FAM200B: variants seen among roughly 807,000 people sequenced by gnomAD.
The protein encoded by FAM200B is protein FAM200B.
FAM200B carries 32 observed loss-of-function variants against 33.1 expected under a neutral mutation model. The observed-to-expected ratio is 0.97, with a 90% CI of 0.73 to 1.30. The LOEUF (loss-of-function observed/expected upper bound fraction) is 1.30. Among genes scored for constraint, FAM200B ranks in the 50% most tolerant of loss-of-function variants. The pLI is 0.00. For missense variants in FAM200B, 741 were observed against 754.0 expected, an observed-to-expected ratio of 0.98 and a Z score of 0.20; for synonymous variants, 240 against 264.8, an observed-to-expected ratio of 0.91 and a Z score of 0.91.
chr4:15,655,416 C>G, the FAM200B span: 4 of 1,001,776 alleles, frequency 4.0e-6, no homozygotes, highest in Non-Finnish European at 4.8e-6. Flanking sequence ...GCCCGGTCGG[C>G]TTGGCCGGCG....
chr4:15,681,504 C>A, upstream of FAM200B: 1 of 161,412 alleles, frequency 6.2e-6, no homozygotes. Flanking sequence ...CCGCGCTCGG[C>A]TACATCCGGC....
chr4:15,665,840 G>T, the FAM200B span, among the ~76,000 whole-genome samples: 2 of 152,194 alleles, frequency 1.3e-5, no homozygotes, highest in African/African-American at 4.8e-5. Context: ...CTGTTGGTAG[G>T]AATCCGATGA....
Position 15,687,941 on chromosome 4 carries a change from G to T in FAM200B, c.964G>T (p.Val322Leu). 1 of 1,551,046 alleles carries T rather than the reference G, an allele frequency of 6.4e-7. No individual in the cohort carries two copies. The highest frequency in any genetic ancestry group is 8.7e-7 in the Non-Finnish European group (1 of 1,146,494). The change falls in exon 2 of 2, where the codon GTG becomes TTG. Residue 322 changes from valine to leucine, a missense_variant. Transcript: ENST00000422728. ...ACTAGAAGTTACTAATAATGGTGCT[G>T]TGTGGAATCATTGTTTTATACATCG... ...KLLEVTNNGA[V>L]WNHCFIHREG...
the FAM200B span, among the ~76,000 whole-genome samples, chr4:15,658,433 A>G: frequency 1.3e-5 from 2 of 152,236 alleles, no homozygotes; most frequent in African/African-American, 4.8e-5. Flanking sequence ...GGGGCCTTTA[A>G]GAGGTGATTG....
chr4:15,672,619 CTTG>C, the FAM200B span, among the ~76,000 whole-genome samples: 1 of 152,112 alleles, frequency 6.6e-6, no homozygotes, highest in East Asian at 1.9e-4. Context: ...ATGAATGGAG[CTTG>C]TAGGACTAGA....
the FAM200B span, chr4:15,644,782 T>C: frequency 2.8e-6 from 3 of 1,068,870 alleles, no homozygotes; most frequent in South Asian, 4.6e-5. Context: ...TTCAAATACA[T>C]CCCTATTCAC....
At chr4:15,651,766 C>T in the FAM200B span, among the ~76,000 whole-genome samples, 2 of 152,208 alleles carry the variant, frequency 1.3e-5, no homozygotes, top group Admixed American at 6.5e-5. Flanking sequence ...AATACCCTTA[C>T]CTGAAAAATT....
chr4:15,655,493 A>G, the FAM200B span: 2 of 628,488 alleles, frequency 3.2e-6, no homozygotes, highest in Non-Finnish European at 4.0e-6. Flanking sequence ...GCGCGCGCAG[A>G]GGCTCGCGGC....
At chr4:15,654,971 C>A in the FAM200B span, among the ~76,000 whole-genome samples, 1 of 151,594 alleles carries the variant, frequency 6.6e-6, no homozygotes, top group East Asian at 1.9e-4. Flanking sequence ...CGGCAGGGGA[C>A]GCCGCCCGCC....
chr4:15,638,383 G>T, the FAM200B span: 1 of 523,798 alleles, frequency 1.9e-6, no homozygotes, highest in Non-Finnish European at 3.2e-6. Flanking sequence ...TGAAAATAAT[G>T]CCTTTAACTG....
chr4:15,675,584 T>C, the FAM200B span, among the ~76,000 whole-genome samples: 29 of 145,890 alleles, frequency 2.0e-4, no homozygotes, highest in Non-Finnish European at 2.9e-4. Context: ...TTTTTTTTTT[T>C]TTTTTTTTTT....
At chr4:15,675,154 A>AT in the FAM200B span, among the ~76,000 whole-genome samples, 1 of 152,056 alleles carries the variant, frequency 6.6e-6, no homozygotes, top group African/African-American at 2.4e-5. Context: ...CACATCATTG[A>AT]TTTTTTATGT....
the FAM200B span, among the ~76,000 whole-genome samples, chr4:15,676,467 A>C: frequency 7.2e-5 from 11 of 152,220 alleles, no homozygotes; most frequent in African/African-American, 2.7e-4. Flanking sequence ...AGACTCTGTT[A>C]TATATTAAGA....
At chr4:15,642,020 T>A in the FAM200B span, among the ~76,000 whole-genome samples, 13,474 of 151,308 alleles carry the variant, frequency 0.089, 765 homozygotes, top group Non-Finnish European at 0.12. Flanking sequence ...AGAGCAAGAC[T>A]CTGTCTTAAA....
chr4:15,679,209 C>A (rs1418862230), upstream of FAM200B, among the ~76,000 whole-genome samples: 1 of 151,834 alleles, frequency 6.6e-6, no homozygotes, highest in Non-Finnish European at 1.5e-5. Context: ...ATTATAGGCA[C>A]GTGCCACCAC....
upstream of FAM200B, among the ~76,000 whole-genome samples, chr4:15,678,963 AAAAC>A (rs370773003): frequency 1.1e-3 from 161 of 152,320 alleles, 1 homozygote; most frequent in East Asian, 0.021. Flanking sequence ...GCAGAAATAA[AAAAC>A]AAACCCTTCA....
chr4:15,650,223 T>G, the FAM200B span, among the ~76,000 whole-genome samples: 1 of 152,180 alleles, frequency 6.6e-6, no homozygotes, highest in Non-Finnish European at 1.5e-5. Flanking sequence ...ATCATCTGCC[T>G]CAAAATGTCA....
At chr4:15,658,615 C>T in the FAM200B span, among the ~76,000 whole-genome samples, 1 of 152,270 alleles carries the variant, frequency 6.6e-6, no homozygotes, top group African/African-American at 2.4e-5. Context: ...TCTGCAGAGT[C>T]GCCACCAGAA....
the FAM200B span, among the ~76,000 whole-genome samples, chr4:15,648,896 G>A: frequency 6.6e-6 from 1 of 152,240 alleles, no homozygotes; most frequent in African/African-American, 2.4e-5. Flanking sequence ...ATCGTTTGTG[G>A]TGATGGATGT....
Sources: gnomAD v4.1 joint callset for allele counts (sites outside exome capture counted in the v4.1 genomes callset) on GRCh38, gnomAD v4.1.1 for gene constraint, MANE v1.5 for transcripts, NCBI Gene and HGNC (gene_info 2026-07-23, HGNC 2026-07-21) for gene names.